The following KIAA1210 variants were observed in gnomAD, a reference collection of about 807,000 sequenced individuals.
The protein encoded by KIAA1210 is acrosomal protein KIAA1210.
KIAA1210 carries 48 observed loss-of-function variants against 78.9 expected under a neutral mutation model. The ratio of observed to expected loss-of-function variants is 0.61; its 90% CI spans 0.48 to 0.77. KIAA1210 has a LOEUF of 0.77. Ranked by LOEUF, KIAA1210 falls within the 30% of genes least tolerant of loss-of-function variation. The pLI is 0.00. For synonymous variants in KIAA1210, 406 were observed against 404.5 expected (o/e 1.00, Z -0.04); for missense variants, 1,108 against 1,100.0 (o/e 1.01, Z -0.10).
chrX:119,089,050 G>A lies in KIAA1210; in HGVS notation c.1652C>T (p.Thr551Ile). The A allele has an allele frequency of 8.3e-7, 1 of 1,211,726 alleles. No individual in the cohort carries two copies. The highest frequency in any genetic ancestry group is 3.0e-5 in the East Asian group (1 of 33,851). The change falls in exon 9 of 12, where the codon ACT becomes ATT. Residue 551 changes from threonine to isoleucine, a missense_variant. Physicochemically the swap from Thr to Ile is moderately conservative, Grantham distance 89. This residue lies in a region of KIAA1210 where 672 missense variants were observed against 607.1 expected (regional missense o/e 1.11). Coordinates refer to ENST00000691062, the MANE Select transcript of KIAA1210 (RefSeq NM_001394962.1). Reference sequence around the variant, plus strand: ...TCCAGAAGGCTTTTCTTTGCAGATAGTTTGAACATCCTGGGCTGACTCCAT... The same window carrying A: ...TCCAGAAGGCTTTTCTTTGCAGATAATTTGAACATCCTGGGCTGACTCCAT... ...SKMESAQDVQ[T>I]ICKEKPSGNV...
chrX:119,109,544 T>G (rs1928005911), intron 3 of KIAA1210, among the ~76,000 whole-genome samples: 1 of 112,190 alleles, frequency 8.9e-6, no homozygotes, highest in African/African-American at 3.2e-5. Context: ...AATTTTTACA[T>G]TATGAGCATA....
chrX:119,087,215 T>C lies in KIAA1210; in HGVS notation c.3487A>G (p.Arg1163Gly), dbSNP rs1332040001. 5.8e-6 allele frequency: 7 copies of C among 1,211,426 alleles called. No homozygotes were observed. The highest frequency in any genetic ancestry group is 7.8e-6 in the Non-Finnish European group (7 of 895,310). Reference sequence around the variant, plus strand: ...GACATCTGTGGCTGGAATTTAGACCTATCTGAGGCTTGGGAAGAATGTTTG... The same window carrying C: ...GACATCTGTGGCTGGAATTTAGACCCATCTGAGGCTTGGGAAGAATGTTTG... ...PPKHSSQASD[R>G]SKFQPQMSSK... The change falls in exon 9 of 12, where the codon AGG becomes GGG. Residue 1163 changes from arginine (R) to glycine (G), a missense_variant. Coordinates refer to ENST00000691062, the MANE Select transcript of KIAA1210 (RefSeq NM_001394962.1).
At position 119,088,180 on chromosome X, in the gene KIAA1210, A is replaced by G. The variant is rs748491940; in HGVS notation, c.2522T>C (p.Leu841Pro). 3 of 1,210,482 alleles carry G rather than the reference A, an allele frequency of 2.5e-6. No individual in the cohort carries two copies. Among genetic ancestry groups the G allele is most frequent in the South Asian group, 1.8e-5 (1 of 56,910 alleles). ...AVERVISVEP[L>P]LPRYSPQSLT... ...GGACTGAGGAGAATATCTGGGGAGT[A>G]GTGGCTCCACAGAAATGACTCTCTC... The change falls in exon 9 of 12, where the codon CTA becomes CCA. Residue 841 changes from leucine (L) to proline (P), a missense_variant. Coordinates refer to ENST00000691062, the MANE Select transcript of KIAA1210 (RefSeq NM_001394962.1).
chrX:119,084,296 C>T (rs867358681), intron 10 of KIAA1210, among the ~76,000 whole-genome samples: 10 of 110,998 alleles, frequency 9.0e-5, no homozygotes, highest in African/African-American at 3.3e-5. Context: ...GGTAGTTAGC[C>T]TAGTTTACCA....
chrX:119,144,025 C>T (rs187884012), intron 2 of KIAA1210, among the ~76,000 whole-genome samples: 1 of 112,717 alleles, frequency 8.9e-6, no homozygotes, highest in Admixed American at 9.3e-5. Context: ...AGTCCAGACA[C>T]TCTGCCTAAG....
chrX:119,150,221 C>G lies in KIAA1210; in HGVS notation c.289+70G>C, dbSNP rs7066602. On this transcript the variant is annotated intron_variant, in intron 1 of 13. Coordinates refer to the KIAA1210 transcript ENST00000402510. ...ATAAACATCACCCTTGTGCAGCTCT[C>G]CCTTCTCAGACTTGAGTCATTTCTT... The G allele has an allele frequency of 3.9e-3, 4,113 of 1,057,751 alleles. 106 individuals are homozygous for G. The African/African-American group carries it at 0.066, about 17-fold the overall frequency. 87.2% of individuals were successfully genotyped at this position (1,057,751 alleles called of 1,213,427 possible). A position where few individuals can be genotyped will look rare whatever the true frequency, so the allele number is the denominator to read the frequency against.
intron 2 of KIAA1210, among the ~76,000 whole-genome samples, chrX:119,140,053 A>T (rs1053690409): frequency 9.8e-5 from 11 of 112,053 alleles, no homozygotes; most frequent in Admixed American, 9.5e-4. Context: ...TCCTGAGATG[A>T]TCTTTCAAAG....
rs144278702 is a variant in KIAA1210 at position 119,120,705 on chromosome X, A to G, written c.61+2877T>C. On this transcript the variant is annotated intron_variant, in intron 2 of 11. Coordinates refer to ENST00000691062, the MANE Select transcript of KIAA1210 (RefSeq NM_001394962.1). ...GGCAGAAACAACTTATTTTCCCGCA[A>G]AGATTCAAAAATAGCTAAAGCAATG... 2.9e-3 allele frequency among the ~76,000 whole-genome samples: 329 copies of G among 112,080 alleles called. 1 individual carries two copies. Among genetic ancestry groups the G allele is most frequent in the African/African-American group, 0.01 (309 of 30,890 alleles).
At chrX:119,083,478 C>T (rs1927031014) in intron 10 of KIAA1210, among the ~76,000 whole-genome samples, 1 of 112,251 alleles carries the variant, frequency 8.9e-6, no homozygotes, top group African/African-American at 3.2e-5. Context: ...GCTAACAGAA[C>T]ATGGTAGTTG....
chrX:119,150,731 G>C (rs1010811736), upstream of KIAA1210, among the ~76,000 whole-genome samples: 4 of 112,381 alleles, frequency 3.6e-5, no homozygotes, highest in African/African-American at 1.3e-4. Flanking sequence ...CCCAACCAGC[G>C]GGGTGCACAG....
At chrX:119,110,497 T>G (rs1252000812) in intron 3 of KIAA1210, among the ~76,000 whole-genome samples, 8 of 111,373 alleles carry the variant, frequency 7.2e-5, no homozygotes, top group Non-Finnish European at 1.3e-4. Context: ...AAAATGAAAT[T>G]AATGCCATCC....
At position 119,089,692 on chromosome X, in the gene KIAA1210, G is replaced by C. The variant is rs768975125; in HGVS notation, c.1010C>G (p.Thr337Arg). 18 of 1,208,755 alleles carry C rather than the reference G, an allele frequency of 1.5e-5. No homozygotes were observed. The highest frequency in any genetic ancestry group is 2.0e-5 in the Non-Finnish European group (18 of 894,762). ...AGCATCAGTGTTTGGAGCCTGGTCT[G>C]TTGTCTTCTTATCATACATCTCAGT... is the stretch of plus-strand genomic sequence containing the variant. ...NKTEMYDKKTTDQAPNTDASR... is the reference protein window; with the variant it reads ...NKTEMYDKKTRDQAPNTDASR... Residue 337 changes from threonine (T) to arginine (R), a missense_variant, in exon 9 of 12, where the codon ACA (threonine) becomes AGA (arginine). Thr to Arg is a moderately conservative substitution (Grantham distance 71). Coordinates refer to ENST00000691062, the MANE Select transcript of KIAA1210 (RefSeq NM_001394962.1).
At chrX:119,128,812 A>C (rs1399781491), upstream of KIAA1210, among the ~76,000 whole-genome samples, 1 of 110,695 alleles carries the variant, frequency 9.0e-6, no homozygotes, top group Non-Finnish European at 1.9e-5. Flanking sequence ...AGTAGCTGGG[A>C]TTACAGACGT....
rs771324293 is a variant in KIAA1210 at position 119,146,974 on chromosome X, G to A, written c.410+499C>T. Reference sequence around the variant, plus strand: ...GATCTCTAATGACCACATTAAACACGTCTAATTACAGTGAGGAGTGGAAGT... The same window carrying A: ...GATCTCTAATGACCACATTAAACACATCTAATTACAGTGAGGAGTGGAAGT... On this transcript the variant is annotated intron_variant, in intron 2 of 13. Transcript: ENST00000402510. Among the ~76,000 whole-genome samples the A allele has an allele frequency of 5.4e-5, 6 of 111,544 alleles. No individual in the cohort carries two copies. The South Asian group carries it at 1.6e-3, about 29-fold the overall frequency.
At chrX:119,104,558 A>ATAT (rs1009271278) in intron 6 of KIAA1210, among the ~76,000 whole-genome samples, 3 of 112,115 alleles carry the variant, frequency 2.7e-5, no homozygotes, top group African/African-American at 9.7e-5. Flanking sequence ...ACGCTGATTG[A>ATAT]TATTATCTGG....
rs1438918433 is a variant in KIAA1210, at chrX:119,079,323, A to G, written c.*2006T>C. The G allele has an allele frequency of 8.9e-6, 1 of 111,995 alleles. No homozygotes were observed. Among genetic ancestry groups the G allele is most frequent in the Non-Finnish European group, 1.9e-5 (1 of 53,193 alleles). 9.2% of individuals were successfully genotyped at this position (111,995 alleles called of 1,213,427 possible). Reference sequence around the variant, plus strand: ...GCAGCACAGTGTAACAGAGGCAGACACAGTGATAACTACTCAGAAGTCACT... The same window carrying G: ...GCAGCACAGTGTAACAGAGGCAGACGCAGTGATAACTACTCAGAAGTCACT... On this transcript the variant is annotated 3_prime_UTR_variant, in exon 12 of 12. Coordinates refer to ENST00000691062, the MANE Select transcript of KIAA1210 (RefSeq NM_001394962.1).
chrX:119,094,816 GC>G (rs1452035259), intron 7 of KIAA1210, among the ~76,000 whole-genome samples: 2 of 111,428 alleles, frequency 1.8e-5, no homozygotes, highest in Non-Finnish European at 3.8e-5. Context: ...AGAGGGTAAT[GC>G]CCGGGCTTTT....
Position 119,096,705 on chromosome X carries a change from G to A in KIAA1210, c.649-14C>T. ...CTCAGAGAAGCTCTGGGGAAGGTGG[G>A]AGAAAATAGACGAGTCAACCCGTAT... is the stretch of plus-strand genomic sequence containing the variant. On this transcript the variant is annotated splice_polypyrimidine_tract_variant and intron_variant, in intron 6 of 11. Transcript: ENST00000691062. 1.7e-6 allele frequency: 2 copies of A among 1,162,773 alleles called. No homozygotes were observed. The highest frequency in any genetic ancestry group is 2.3e-6 in the Non-Finnish European group (2 of 861,384).
intron 1 of KIAA1210, among the ~76,000 whole-genome samples, chrX:119,125,214 C>T (rs62601574): frequency 1.7e-4 from 19 of 111,359 alleles, no homozygotes; most frequent in Non-Finnish European, 2.8e-4. Context: ...TATTACATTG[C>T]TGACGAAGGT....
Sources: gnomAD v4.1 joint callset for allele counts (sites outside exome capture counted in the v4.1 genomes callset) on GRCh38, gnomAD v4.1.1 for gene constraint, gnomAD v4.1.1 regional missense constraint, MANE v1.5 for transcripts, NCBI Gene and HGNC (gene_info 2026-07-23, HGNC 2026-07-21) for gene names.